DENND4A: variants seen among roughly 807,000 people sequenced by gnomAD.
The protein encoded by DENND4A is DENN domain containing 4A.
A neutral mutation model predicts 199.3 loss-of-function variants in DENND4A; 70 were observed. That is an observed-to-expected ratio of 0.35 (90% CI 0.29 to 0.43). The LOEUF (loss-of-function observed/expected upper bound fraction) is 0.43, where lower values mean the gene tolerates loss of function less well. Among genes scored for constraint, DENND4A ranks in the 20% least tolerant of loss-of-function variants. The probability of loss-of-function intolerance (pLI) is 1.00; values close to 1 mark genes in which losing one functional copy is unlikely to be tolerated. For missense variants in DENND4A, 1,723 were observed against 2,255.8 expected (o/e 0.76, Z 4.78); for synonymous variants, 686 against 766.9 (o/e 0.89, Z 1.74).
intron 1 of DENND4A, among the ~76,000 whole-genome samples, chr15:65,774,265 T>C (rs1280512436): frequency 6.6e-6 from 1 of 151,592 alleles, no homozygotes; most frequent in East Asian, 1.9e-4. Context: ...CCAAGGAGGG[T>C]GGCTCACCTG....
In DENND4A at chr15:65,729,566, C is replaced by G; in HGVS notation, c.1279G>C (p.Val427Leu). 6.2e-7 allele frequency: 1 copy of G among 1,608,486 alleles called. No homozygotes were observed. The highest frequency in any genetic ancestry group is 8.5e-7 in the Non-Finnish European group (1 of 1,177,192). ...AATGCTTCTGTCACACTAGTAAGCA[C>G]GGATGGCCGTAGGGAATGGATAAGA... ...KILIHSLRPS[V>L]LTSVTEALVS... Residue 427 changes from valine to leucine, a missense_variant, in exon 10 of 33, where the codon GTG (valine) becomes CTG (leucine). Physicochemically the swap from Val to Leu is conservative, Grantham distance 32. Transcript: ENST00000443035.
In DENND4A at chr15:65,706,153, A is replaced by G; in HGVS notation, c.2025T>C (p.Val675=). 1.2e-6 allele frequency: 2 copies of G among 1,608,596 alleles called. No homozygotes were observed. The highest frequency in any genetic ancestry group is 1.7e-6 in the Non-Finnish European group (2 of 1,177,574). Residue 675 remains valine, a synonymous_variant, in exon 15 of 33, where the codon GTT becomes GTC. Coordinates refer to ENST00000443035, the MANE Select transcript of DENND4A (RefSeq NM_001320835.1). ...LDESFKSEHT[V]FVTPPEIPHL... is the part of the protein sequence containing the mutation. ...GGGGGATCTCAGGTGGTGTTACAAA[A>G]ACAGTGTGTTCACTTTTGAAAGATT...
In DENND4A at chr15:65,690,374, T is replaced by C. The variant is rs780144985; in HGVS notation, c.4179+41A>G. On this transcript the variant is annotated intron_variant, in intron 23 of 32. Transcript: ENST00000443035. ...GGGGCTTTTGGTGGTGATGGATATG[T>C]GTGTGTGACAGTAAAAGTAGCAAAT... is the stretch of plus-strand genomic sequence containing the variant. 2.0e-6 allele frequency: 3 copies of C among 1,513,604 alleles called. No individual in the cohort carries two copies. The East Asian group carries it at 6.8e-5, about 34-fold the overall frequency. The allele number at this position is 1,513,604 out of a possible 1,614,324, so 93.8% of individuals were successfully genotyped here.
intron 3 of DENND4A, among the ~76,000 whole-genome samples, chr15:65,753,293 T>C (rs1483509810): frequency 6.6e-6 from 1 of 152,200 alleles, no homozygotes; most frequent in East Asian, 1.9e-4. Flanking sequence ...ATTAAATTCA[T>C]TGATTTGTAC....
chr15:65,787,710 C>G (rs1465908008), intron 1 of DENND4A, among the ~76,000 whole-genome samples: 1 of 152,192 alleles, frequency 6.6e-6, no homozygotes, highest in Admixed American at 6.5e-5. Flanking sequence ...GAAAAAGATA[C>G]TGCCTAAGGT....
intron 27 of DENND4A, among the ~76,000 whole-genome samples, chr15:65,669,082 A>T (rs1237491116): frequency 6.6e-6 from 1 of 152,212 alleles, no homozygotes; most frequent in Non-Finnish European, 1.5e-5. Context: ...GTCACAACCC[A>T]GGAGACAAAG....
intron 7 of DENND4A, among the ~76,000 whole-genome samples, chr15:65,735,499 GACTT>G (rs1455980483): frequency 6.6e-6 from 1 of 152,222 alleles, no homozygotes; most frequent in African/African-American, 2.4e-5. Context: ...AACTGCTGGT[GACTT>G]ACTATGAATC....
intron 14 of DENND4A, 78 bp from the exon 15 acceptor site, chr15:65,706,302 T>A (rs544099088): frequency 7.6e-7 from 1 of 1,317,568 alleles, no homozygotes; most frequent in Admixed American, 3.3e-5. Context: ...AGTGGTTAAA[T>A]AAACCATCTG....
chr15:65,773,368 G>A (rs2077193344), intron 1 of DENND4A, among the ~76,000 whole-genome samples: 1 of 152,308 alleles, frequency 6.6e-6, no homozygotes, highest in Non-Finnish European at 1.5e-5. Flanking sequence ...ACATGACCCT[G>A]CCTTACAGCG....
intron 9 of DENND4A, among the ~76,000 whole-genome samples, chr15:65,730,034 G>C (rs559820278): frequency 1.6e-4 from 24 of 152,274 alleles, no homozygotes; most frequent in African/African-American, 5.1e-4. Context: ...TTGATTGAAA[G>C]CAAATCCTTA....
In DENND4A at chr15:65,676,641, A is replaced by C; in HGVS notation, c.4180-7T>G. The C allele has an allele frequency of 6.2e-7, 1 of 1,602,962 alleles. No homozygotes were observed. The highest frequency in any genetic ancestry group is 8.5e-7 in the Non-Finnish European group (1 of 1,174,596). On this transcript the variant is annotated splice_polypyrimidine_tract_variant and splice_region_variant and intron_variant, in intron 23 of 32. Coordinates refer to ENST00000443035, the MANE Select transcript of DENND4A (RefSeq NM_001320835.1). ...TACGATCAGAACTTTGATCCTAAGG[A>C]CATAATTATAAGCTTAATTTCTTGT...
intron 21 of DENND4A, 81 bp downstream of exon 21, chr15:65,697,186 C>T: frequency 3.4e-6 from 3 of 883,044 alleles, no homozygotes; most frequent in Non-Finnish European, 5.2e-6. Flanking sequence ...AAAGTAAAAC[C>T]AGCACTTTTA....
chr15:65,661,975 T>C lies in DENND4A; in HGVS notation c.5600A>G (p.Lys1867Arg). 6.2e-7 allele frequency: 1 copy of C among 1,608,908 alleles called. No homozygotes were observed. Among genetic ancestry groups the C allele is most frequent in the African/African-American group, 1.3e-5 (1 of 74,870 alleles). ...RENIDIDAFDKEYKMAYDRLT... is the reference protein window; with the variant it reads ...RENIDIDAFDREYKMAYDRLT... ...ACGATCGTATGCCATCTTGTACTCT[T>C]TATCAAAAGCATCTGCAGAAATTGA... The change falls in exon 33 of 33, where the codon AAA becomes AGA. Residue 1867 changes from lysine (K) to arginine (R), a missense_variant. This residue lies in a region of DENND4A where 164 missense variants were observed against 280.1 expected (regional missense o/e 0.59). Transcript: ENST00000443035.
chr15:65,678,225 G>C (rs77814164), intron 23 of DENND4A, among the ~76,000 whole-genome samples: 91 of 152,202 alleles, frequency 6.0e-4, no homozygotes, highest in African/African-American at 2.1e-3. Context: ...ACAGCACCTG[G>C]CCTCATACTT....
intron 24 of DENND4A, among the ~76,000 whole-genome samples, chr15:65,672,946 C>T (rs567996438): frequency 2.2e-4 from 34 of 151,746 alleles, no homozygotes; most frequent in African/African-American, 7.7e-4. Context: ...CTGCAACCTC[C>T]GCCTCCTGGG....
intron 3 of DENND4A, 113 bp downstream of exon 3, chr15:65,756,026 AT>A (rs2076691854): frequency 1.1e-6 from 1 of 928,372 alleles, no homozygotes; most frequent in African/African-American, 1.7e-5. Context: ...AAACTTGTGT[AT>A]TTTTCTAAAT....
chr15:65,722,527 T>C (rs1041889660), intron 12 of DENND4A, among the ~76,000 whole-genome samples: 1 of 152,018 alleles, frequency 6.6e-6, no homozygotes, highest in Non-Finnish European at 1.5e-5. Context: ...GGTATTTCAG[T>C]AACGGTAAAA....
At chr15:65,778,609 AT>A (rs2077347081) in intron 1 of DENND4A, among the ~76,000 whole-genome samples, 1 of 152,120 alleles carries the variant, frequency 6.6e-6, no homozygotes, top group Non-Finnish European at 1.5e-5. Context: ...ATAAAAAGTT[AT>A]GTTGCAGGCC....
intron 23 of DENND4A, among the ~76,000 whole-genome samples, chr15:65,682,470 GAGTT>G (rs1321816480): frequency 2.6e-5 from 4 of 152,202 alleles, no homozygotes; most frequent in Non-Finnish European, 5.9e-5. Flanking sequence ...AAACTGAAGA[GAGTT>G]AGTTAGGGCC....
Sources: gnomAD v4.1 joint callset for allele counts (sites outside exome capture counted in the v4.1 genomes callset) on GRCh38, gnomAD v4.1.1 for gene constraint, gnomAD v4.1.1 regional missense constraint, MANE v1.5 for transcripts, NCBI Gene and HGNC (gene_info 2026-07-23, HGNC 2026-07-21) for gene names.